SLC38A1: variants seen among roughly 807,000 people sequenced by gnomAD.
SLC38A1 encodes the protein sodium-coupled neutral amino acid symporter 1.
A neutral mutation model predicts 60.3 loss-of-function variants in SLC38A1; 18 were observed. The ratio of observed to expected loss-of-function variants is 0.30; its 90% CI spans 0.21 to 0.44. The LOEUF (loss-of-function observed/expected upper bound fraction) is 0.44, where lower values mean the gene tolerates loss of function less well. SLC38A1 is among the 20% of genes least tolerant of loss of function. The pLI, the probability that SLC38A1 is intolerant of heterozygous loss-of-function variation, is 1.00. For missense variants in SLC38A1, 448 were observed against 587.2 expected, an observed-to-expected ratio of 0.76 and a Z score of 2.45; for synonymous variants, 196 against 212.1, an observed-to-expected ratio of 0.92 and a Z score of 0.66.
intron 6 of SLC38A1, among the ~76,000 whole-genome samples, chr12:46,208,126 T>C (rs771869574): frequency 4.6e-5 from 7 of 152,204 alleles, no homozygotes; most frequent in Non-Finnish European, 1.0e-4. Flanking sequence ...AACATTTTAA[T>C]AGCCACGACA....
rs11552184 is a variant in SLC38A1, at chr12:46,243,297, T to C, written c.-191A>G. 5.9e-4 allele frequency: 90 copies of C among 152,244 alleles called. No homozygotes were observed. Among genetic ancestry groups the C allele is most frequent in the African/African-American group, 2.0e-3 (85 of 41,560 alleles). 9.4% of individuals were successfully genotyped at this position (152,244 alleles called of 1,614,324 possible). A position where few individuals can be genotyped will look rare whatever the true frequency, so the allele number is the denominator to read the frequency against. ...CATAGATATAGTGCCTGGCACACAG[T>C]AGACACTCAATAAATATCTGTCAAA... On this transcript the variant is annotated 5_prime_UTR_variant, in exon 2 of 17. Coordinates refer to ENST00000398637, the MANE Select transcript of SLC38A1 (RefSeq NM_030674.4).
In SLC38A1 at chr12:46,234,085, A is replaced by G. The variant is rs1020959905; in HGVS notation, c.123-4446T>C. Reference sequence around the variant, plus strand: ...GCCAATCTTTCCCTATCAGTTCAAAACCCTCATCATCCACAAGTCTTCCAC... The same window carrying G: ...GCCAATCTTTCCCTATCAGTTCAAAGCCCTCATCATCCACAAGTCTTCCAC... On this transcript the variant is annotated intron_variant, in intron 3 of 16. Coordinates refer to ENST00000398637, the MANE Select transcript of SLC38A1 (RefSeq NM_030674.4). 2.6e-5 allele frequency among the ~76,000 whole-genome samples: 4 copies of G among 152,108 alleles called. No homozygotes were observed. The East Asian group carries it at 7.7e-4, about 29-fold the overall frequency.
intron 5 of SLC38A1, among the ~76,000 whole-genome samples, chr12:46,216,756 A>G (rs1940432286): frequency 6.6e-6 from 1 of 152,114 alleles, no homozygotes; most frequent in South Asian, 2.1e-4. Context: ...GCTACTCGGG[A>G]GGCTGAGGCA....
intron 3 of SLC38A1, among the ~76,000 whole-genome samples, chr12:46,231,094 G>A: frequency 6.7e-6 from 1 of 148,526 alleles, no homozygotes; most frequent in African/African-American, 2.5e-5. Context: ...TAGTGTAGAT[G>A]TATACCACGG....
intron 5 of SLC38A1, among the ~76,000 whole-genome samples, chr12:46,224,018 A>C (rs1940767055): frequency 6.6e-6 from 1 of 152,134 alleles, no homozygotes; most frequent in Non-Finnish European, 1.5e-5. Context: ...ACAAAACAAA[A>C]CCCACCATTC....
intron 5 of SLC38A1, among the ~76,000 whole-genome samples, chr12:46,225,484 G>T (rs1395840934): frequency 6.6e-6 from 1 of 152,272 alleles, no homozygotes; most frequent in East Asian, 1.9e-4. Flanking sequence ...TGCCTGCTGG[G>T]ATAATCATTC....
chr12:46,206,630 A>G (rs771392248), intron 8 of SLC38A1, among the ~76,000 whole-genome samples: 1 of 152,174 alleles, frequency 6.6e-6, no homozygotes, highest in Non-Finnish European at 1.5e-5. Flanking sequence ...GGCTTCTACG[A>G]TTCTCCCTTG....
chr12:46,240,492 G>A lies in SLC38A1; in HGVS notation c.-93-599C>T, dbSNP rs11183405. Reference sequence around the variant, plus strand: ...ATTACAGGCGTGAGCCACCGCACCCGGCCTGAAGCAGTGCTTTTAAAATGA... The same window carrying A: ...ATTACAGGCGTGAGCCACCGCACCCAGCCTGAAGCAGTGCTTTTAAAATGA... On this transcript the variant is annotated intron_variant, in intron 2 of 16. Transcript: ENST00000398637. 2.4e-3 allele frequency among the ~76,000 whole-genome samples: 358 copies of A among 152,252 alleles called. 7 individuals are homozygous for A. The East Asian group carries it at 0.058, about 25-fold the overall frequency.
chr12:46,200,097 T>A (rs915558327), intron 13 of SLC38A1, among the ~76,000 whole-genome samples: 1 of 152,190 alleles, frequency 6.6e-6, no homozygotes, highest in Non-Finnish European at 1.5e-5. Flanking sequence ...TCAACTAACA[T>A]TAAGTTCTCC....
intron 13 of SLC38A1, among the ~76,000 whole-genome samples, chr12:46,200,744 TC>T (rs1191977791): frequency 3.9e-5 from 6 of 152,196 alleles, no homozygotes; most frequent in Non-Finnish European, 8.8e-5. Flanking sequence ...TCTGTCTCTG[TC>T]TCTCCATTCT....
At chr12:46,225,548 C>G (rs1403248793) in intron 5 of SLC38A1, among the ~76,000 whole-genome samples, 1 of 152,078 alleles carries the variant, frequency 6.6e-6, no homozygotes, top group African/African-American at 2.4e-5. Flanking sequence ...GTCTAGGCCC[C>G]CAGAACAGGG....
rs139933998 is a variant in SLC38A1, at chr12:46,250,187, G to A, written c.-208-6873C>T. On this transcript the variant is annotated intron_variant, in intron 1 of 16. Transcript: ENST00000398637. ...GGGATGCAAGGTTGGTTCAACATAC[G>A]CAAATCAATAAACCTAATCCATCAC... Among the ~76,000 whole-genome samples, 787 of 152,198 alleles carry A rather than the reference G, an allele frequency of 5.2e-3. 9 individuals carry two copies. The highest frequency in any genetic ancestry group is 0.017 in the African/African-American group (695 of 41,522).
At chr12:46,244,722 T>C (rs1303831249) in intron 1 of SLC38A1, among the ~76,000 whole-genome samples, 2 of 152,246 alleles carry the variant, frequency 1.3e-5, no homozygotes, top group African/African-American at 2.4e-5. Context: ...GAATGTGTTA[T>C]GTTAATTATT....
intron 9 of SLC38A1, 73 bp downstream of exon 9, chr12:46,206,007 A>G (rs1013873699): frequency 8.9e-6 from 8 of 896,576 alleles, no homozygotes; most frequent in East Asian, 2.5e-5. Flanking sequence ...AGAGGGCAAC[A>G]CTGTCCATTT....
chr12:46,201,917 G>A (rs1489865148), intron 12 of SLC38A1, among the ~76,000 whole-genome samples: 5 of 150,700 alleles, frequency 3.3e-5, no homozygotes, highest in South Asian at 2.1e-4. Flanking sequence ...AGTAGGCCCC[G>A]CGCGGTGGCT....
chr12:46,240,194 C>T lies in SLC38A1; in HGVS notation c.-93-301G>A, dbSNP rs947117555. Among the ~76,000 whole-genome samples, 17 of 152,028 alleles carry T rather than the reference C, an allele frequency of 1.1e-4. No individual in the cohort carries two copies. In the East Asian group the frequency reaches 3.3e-3, roughly 29 times the overall value. On this transcript the variant is annotated intron_variant, in intron 2 of 16. Coordinates refer to ENST00000398637, the MANE Select transcript of SLC38A1 (RefSeq NM_030674.4). ...AGAGACCCCCTTTTATGATATGAAG[C>T]AGTGTTGTTGTTGTTCTTTGAGATG...
At chr12:46,243,908 A>G (rs1941529267) in intron 1 of SLC38A1, among the ~76,000 whole-genome samples, 1 of 152,246 alleles carries the variant, frequency 6.6e-6, no homozygotes, top group Non-Finnish European at 1.5e-5. Flanking sequence ...AATAGTACCA[A>G]TGTAAAATAC....
intron 5 of SLC38A1, among the ~76,000 whole-genome samples, chr12:46,217,960 A>T (rs1940487653): frequency 6.6e-6 from 1 of 152,226 alleles, no homozygotes; most frequent in African/African-American, 2.4e-5. Flanking sequence ...TTTTGTCTAG[A>T]AAAATAAATA....
At position 46,187,784 on chromosome 12, in the gene SLC38A1, T is replaced by A; in HGVS notation, c.*1186A>T. On this transcript the variant is annotated 3_prime_UTR_variant, in exon 17 of 17. Transcript: ENST00000398637. ...CTTCACAAAGACTATCTCTGAGGGTTTTTTTTTTTTTTTTTTCACAAGACT... is the reference window on the plus strand; with the variant it reads ...CTTCACAAAGACTATCTCTGAGGGTATTTTTTTTTTTTTTTTCACAAGACT... 1 of 26,476 alleles carries A rather than the reference T, an allele frequency of 3.8e-5. No individual in the cohort carries two copies. The highest frequency in any genetic ancestry group is 4.6e-3 in the East Asian group (1 of 218). The allele number at this position is 26,476 out of a possible 1,614,324, so 1.6% of individuals were successfully genotyped here.
Sources: gnomAD v4.1 joint callset for allele counts (sites outside exome capture counted in the v4.1 genomes callset) on GRCh38, gnomAD v4.1.1 for gene constraint, MANE v1.5 for transcripts, NCBI Gene and HGNC (gene_info 2026-07-23, HGNC 2026-07-21) for gene names.